TMC1: variants seen among roughly 807,000 people sequenced by gnomAD.
TMC1 encodes the protein transmembrane channel-like protein 1.
TMC1 carries 84 observed loss-of-function variants against 105.8 expected under a neutral mutation model. That is an observed-to-expected ratio of 0.79 (90% CI 0.67 to 0.95). The LOEUF is 0.95. Ranked by LOEUF, TMC1 falls within the 40% of genes least tolerant of loss-of-function variation. The pLI, the probability that TMC1 is intolerant of heterozygous loss-of-function variation, is 0.00. For missense variants in TMC1, 817 were observed against 914.1 expected, an observed-to-expected ratio of 0.89 and a Z score of 1.37; for synonymous variants, 315 against 311.5, an observed-to-expected ratio of 1.01 and a Z score of -0.12.
chr9:72,603,428 T>A (rs1824854039), intron 2 of TMC1, among the ~76,000 whole-genome samples: 1 of 145,028 alleles, frequency 6.9e-6, no homozygotes, highest in Non-Finnish European at 1.5e-5. Context: ...CACACCACAC[T>A]CCACACGCAC....
intron 1 of TMC1, among the ~76,000 whole-genome samples, chr9:72,551,970 G>T (rs1287865717): frequency 6.6e-6 from 1 of 152,170 alleles, no homozygotes; most frequent in South Asian, 2.1e-4. Context: ...GAGCCTCTCA[G>T]AGAGTATGGC....
intron 5 of TMC1, among the ~76,000 whole-genome samples, chr9:72,667,564 A>G (rs1826063617): frequency 6.6e-6 from 1 of 152,250 alleles, no homozygotes; most frequent in Non-Finnish European, 1.5e-5. Context: ...CACAACAAAC[A>G]CATAAATACA....
chr9:72,622,806 T>A (rs1254582988), intron 3 of TMC1, among the ~76,000 whole-genome samples: 1 of 151,930 alleles, frequency 6.6e-6, no homozygotes, highest in African/African-American at 2.4e-5. Flanking sequence ...ATCCCAGCAC[T>A]TTGGGAGGCT....
chr9:72,792,393 A>C, intron 17 of TMC1, 41 bp downstream of exon 17: 1 of 1,611,914 alleles, frequency 6.2e-7, no homozygotes, highest in Non-Finnish European at 8.5e-7. Flanking sequence ...TAGTAGATTA[A>C]AAAAAGAGAG....
At chr9:72,523,628 G>C (rs1248034802) in intron 1 of TMC1, among the ~76,000 whole-genome samples, 4 of 149,680 alleles carry the variant, frequency 2.7e-5, no homozygotes, top group Non-Finnish European at 4.4e-5. Context: ...GGCTGAAGGA[G>C]GAGGGGGAGA....
chr9:72,582,372 A>C (rs535643539), intron 2 of TMC1, among the ~76,000 whole-genome samples: 6 of 152,362 alleles, frequency 3.9e-5, no homozygotes, highest in African/African-American at 1.4e-4. Context: ...TAATTTACTT[A>C]GCTCCCTACC....
Position 72,551,671 on chromosome 9 carries a change from A to G in TMC1, c.-427-26231A>G, listed in dbSNP as rs1193789831. On this transcript the variant is annotated intron_variant, in intron 1 of 23. Transcript: ENST00000297784. ...TTGAGGGTTGAATTGAGTCCTTCCT[A>G]AAGACAGACTAAAGTCCTAGTCTCC... Among the ~76,000 whole-genome samples the G allele has an allele frequency of 2.0e-5, 3 of 152,146 alleles. No individual in the cohort carries two copies. The East Asian group carries it at 5.8e-4, about 29-fold the overall frequency.
At chr9:72,775,524 C>G (rs1252752770) in intron 13 of TMC1, among the ~76,000 whole-genome samples, 1 of 152,174 alleles carries the variant, frequency 6.6e-6, no homozygotes, top group African/African-American at 2.4e-5. Flanking sequence ...TGGGGTTTTA[C>G]TGGTCTATTT....
chr9:72,789,857 A>G (rs927719445), intron 15 of TMC1, among the ~76,000 whole-genome samples: 7 of 152,176 alleles, frequency 4.6e-5, no homozygotes, highest in African/African-American at 1.7e-4. Flanking sequence ...CTCTGTTTTC[A>G]TTAGAAGCCT....
chr9:72,633,699 C>G (rs564164590), intron 4 of TMC1, among the ~76,000 whole-genome samples: 1 of 152,298 alleles, frequency 6.6e-6, no homozygotes, highest in African/African-American at 2.4e-5. Flanking sequence ...AAAAAATTCT[C>G]TACATGAACC....
At chr9:72,527,202 C>A (rs1823421169) in intron 1 of TMC1, among the ~76,000 whole-genome samples, 1 of 152,108 alleles carries the variant, frequency 6.6e-6, no homozygotes, top group African/African-American at 2.4e-5. Flanking sequence ...CTTAAAAATC[C>A]CCTTGAGAAC....
Position 72,669,845 on chromosome 9 carries a change from T to C in TMC1, c.17-18864T>C, listed in dbSNP as rs79508577. Reference sequence around the variant, plus strand: ...ATAAATAAAAACTGGATAAGATATATATAGCAACAGTTTTCAAGACATTAT... The same window carrying C: ...ATAAATAAAAACTGGATAAGATATACATAGCAACAGTTTTCAAGACATTAT... On this transcript the variant is annotated intron_variant, in intron 5 of 23. Transcript: ENST00000297784. Among the ~76,000 whole-genome samples, 595 of 152,310 alleles carry C rather than the reference T, an allele frequency of 3.9e-3. 4 individuals are homozygous for C. The highest frequency in any genetic ancestry group is 7.3e-3 in the Non-Finnish European group (497 of 68,022).
At chr9:72,744,756 A>T (rs1564527027) in intron 10 of TMC1, among the ~76,000 whole-genome samples, 1 of 152,328 alleles carries the variant, frequency 6.6e-6, no homozygotes, top group African/African-American at 2.4e-5. Context: ...TTTAAAGCAC[A>T]CTAGAGCAGG....
chr9:72,742,131 A>G (rs985394199), intron 9 of TMC1, among the ~76,000 whole-genome samples: 13 of 152,198 alleles, frequency 8.5e-5, no homozygotes, highest in Admixed American at 6.5e-4. Context: ...CTCTGTTCCA[A>G]TCACCCTATT....
At chr9:72,584,809 G>A (rs1450304292) in intron 2 of TMC1, among the ~76,000 whole-genome samples, 1 of 75,714 alleles carries the variant, frequency 1.3e-5, no homozygotes, top group African/African-American at 6.6e-5. Context: ...TTTTGAGACA[G>A]GGTCTCGCTT....
At chr9:72,597,262 G>A (rs1824735693) in intron 2 of TMC1, among the ~76,000 whole-genome samples, 1 of 152,212 alleles carries the variant, frequency 6.6e-6, no homozygotes, top group Non-Finnish European at 1.5e-5. Context: ...AATGATGCAG[G>A]TGCTGTTCAC....
intron 1 of TMC1, among the ~76,000 whole-genome samples, chr9:72,574,782 A>G (rs1416604187): frequency 6.6e-6 from 1 of 152,220 alleles, no homozygotes; most frequent in Non-Finnish European, 1.5e-5. Context: ...TCTGAGAAGT[A>G]TTCTCTGACC....
chr9:72,700,121 G>C (rs1826617687), intron 7 of TMC1, among the ~76,000 whole-genome samples: 2 of 151,736 alleles, frequency 1.3e-5, no homozygotes, highest in Non-Finnish European at 2.9e-5. Context: ...TGGGCTAGGT[G>C]GTGGGCGCCT....
Position 72,681,167 on chromosome 9 carries a change from AT to A in TMC1, c.17-7538del, listed in dbSNP as rs527782000. ...AACCTCACACAAGATAATGTATTTC[AT>A]TTTACCACACTTATTTACAGTGGTT... On this transcript the variant is annotated intron_variant, in intron 5 of 23. Coordinates refer to ENST00000297784, the MANE Select transcript of TMC1 (RefSeq NM_138691.3). 2.3e-4 allele frequency among the ~76,000 whole-genome samples: 35 copies of A among 152,282 alleles called. No homozygotes were observed. The East Asian group carries it at 6.8e-3, about 29-fold the overall frequency.
Sources: allele counts gnomAD v4.1 joint callset (sites outside exome capture counted in the v4.1 genomes callset), GRCh38; gene constraint gnomAD v4.1.1; transcripts MANE v1.5; gene names NCBI Gene and HGNC (gene_info 2026-07-23, HGNC 2026-07-21).